The following SPAG16 variants were observed in gnomAD, a reference collection of about 807,000 sequenced individuals.
SPAG16 encodes sperm associated antigen 16.
In SPAG16, 86 loss-of-function variants were observed where a neutral mutation model predicts 80.4. The ratio of observed to expected loss-of-function variants is 1.07; its 90% CI spans 0.90 to 1.28. The LOEUF is 1.28. SPAG16 is among the 50% of genes most tolerant of loss of function. The pLI is 0.00. For synonymous variants in SPAG16, 294 were observed against 265.9 expected, an observed-to-expected ratio of 1.11 and a Z score of -1.03; for missense variants, 870 against 765.3, an observed-to-expected ratio of 1.14 and a Z score of -1.61.
intron 10 of SPAG16, among the ~76,000 whole-genome samples, chr2:213,810,904 C>T (rs2072112102): frequency 6.6e-6 from 1 of 152,078 alleles, no homozygotes; most frequent in African/African-American, 2.4e-5. Flanking sequence ...AAAGACCATT[C>T]CGATTTGGAA....
At chr2:213,775,621 C>T (rs182600477) in intron 10 of SPAG16, among the ~76,000 whole-genome samples, 10 of 152,256 alleles carry the variant, frequency 6.6e-5, no homozygotes, top group African/African-American at 2.4e-4. Context: ...TTGACTGATG[C>T]CTCACTGTTT....
intron 10 of SPAG16, among the ~76,000 whole-genome samples, chr2:213,797,832 A>T (rs1034087250): frequency 6.6e-6 from 1 of 152,214 alleles, no homozygotes; most frequent in Admixed American, 6.5e-5. Context: ...TCTTGGGTAG[A>T]TAACTAGGAG....
At chr2:214,201,130 T>C (rs2057997059) in intron 15 of SPAG16, among the ~76,000 whole-genome samples, 1 of 152,170 alleles carries the variant, frequency 6.6e-6, no homozygotes, top group Non-Finnish European at 1.5e-5. Flanking sequence ...TAAATGTCTC[T>C]TTTTCTAAAG....
intron 9 of SPAG16, chr2:213,422,665 C>G (rs2069669820): frequency 8.2e-6 from 2 of 245,352 alleles, no homozygotes; most frequent in South Asian, 1.9e-4. Flanking sequence ...CTCTCCTTCC[C>G]TCCCACCCTC....
At chr2:213,473,154 A>G (rs553461254) in intron 9 of SPAG16, among the ~76,000 whole-genome samples, 4 of 152,162 alleles carry the variant, frequency 2.6e-5, no homozygotes, top group Non-Finnish European at 5.9e-5. Flanking sequence ...CTTCCTATCA[A>G]TTTCACTTCC....
intron 9 of SPAG16, among the ~76,000 whole-genome samples, chr2:213,406,653 G>A (rs1374412065): frequency 6.6e-6 from 1 of 152,164 alleles, no homozygotes; most frequent in Non-Finnish European, 1.5e-5. Flanking sequence ...TAAGCGGTGT[G>A]CTCACCATTG....
At chr2:213,815,523 C>G (rs2072471851) in intron 10 of SPAG16, among the ~76,000 whole-genome samples, 1 of 152,046 alleles carries the variant, frequency 6.6e-6, no homozygotes, top group Non-Finnish European at 1.5e-5. Flanking sequence ...AGTTCAAATT[C>G]TCCAATTGTG....
chr2:214,130,426 C>G (rs1005326851), intron 14 of SPAG16, among the ~76,000 whole-genome samples: 1 of 152,172 alleles, frequency 6.6e-6, no homozygotes, highest in Non-Finnish European at 1.5e-5. Flanking sequence ...TTCATTTTGT[C>G]TGTTGGCCAG....
At chr2:214,073,389 C>A (rs2050906162) in intron 13 of SPAG16, among the ~76,000 whole-genome samples, 1 of 151,964 alleles carries the variant, frequency 6.6e-6, no homozygotes. Flanking sequence ...AGGCGCCCAC[C>A]ACCATGCCAG....
At chr2:214,083,137 A>G (rs1224435744) in intron 13 of SPAG16, among the ~76,000 whole-genome samples, 1 of 152,224 alleles carries the variant, frequency 6.6e-6, no homozygotes, top group East Asian at 1.9e-4. Flanking sequence ...ACCATCTATT[A>G]GGAAGGAGGG....
intron 5 of SPAG16, among the ~76,000 whole-genome samples, chr2:213,335,609 G>T (rs1252393063): frequency 1.3e-5 from 2 of 152,034 alleles, no homozygotes; most frequent in African/African-American, 2.4e-5. Flanking sequence ...TACGCAAATG[G>T]GTTAAAATCA....
At chr2:213,932,705 A>G (rs2078818716) in intron 12 of SPAG16, among the ~76,000 whole-genome samples, 1 of 152,148 alleles carries the variant, frequency 6.6e-6, no homozygotes, top group African/African-American at 2.4e-5. Context: ...TGGTAAGACC[A>G]TCCATTTAGT....
chr2:213,307,396 C>T (rs1195166873), intron 3 of SPAG16, among the ~76,000 whole-genome samples: 2 of 138,528 alleles, frequency 1.4e-5, no homozygotes, highest in African/African-American at 5.4e-5. Flanking sequence ...TGATGTTCCC[C>T]TTCCTGTGTC....
At chr2:213,739,416 C>T (rs2067437850) in intron 10 of SPAG16, among the ~76,000 whole-genome samples, 1 of 152,104 alleles carries the variant, frequency 6.6e-6, no homozygotes. Flanking sequence ...AAAGTTCTTT[C>T]TTCCCTAAGT....
chr2:214,217,697 A>G (rs1249169947), intron 15 of SPAG16, among the ~76,000 whole-genome samples: 1 of 152,232 alleles, frequency 6.6e-6, no homozygotes, highest in Non-Finnish European at 1.5e-5. Flanking sequence ...ACTATTTAAT[A>G]TCTGCAAACT....
In SPAG16 at chr2:214,150,746, T is replaced by A. The variant is rs116024076; in HGVS notation, c.1720+1480T>A. On this transcript the variant is annotated intron_variant, in intron 15 of 15. Coordinates refer to ENST00000331683, the MANE Select transcript of SPAG16 (RefSeq NM_024532.5). The stretch of plus-strand genomic sequence containing the variant: ...ATATCATTACAATTAATAATAGCCA[T>A]GTATTTTATTGTCATTAAATATGTT... Among the ~76,000 whole-genome samples, 1,468 of 152,208 alleles carry A rather than the reference T, an allele frequency of 9.6e-3. 14 individuals are homozygous for A. Among genetic ancestry groups the A allele is most frequent in the Middle Eastern group, 0.024 (7 of 294 alleles).
intron 5 of SPAG16, among the ~76,000 whole-genome samples, chr2:213,327,222 T>C (rs1365360483): frequency 6.6e-6 from 1 of 151,958 alleles, no homozygotes; most frequent in Admixed American, 6.6e-5. Context: ...ATTATATAGT[T>C]TAAAATATTA....
intron 14 of SPAG16, among the ~76,000 whole-genome samples, chr2:214,125,694 G>C (rs1015984818): frequency 6.6e-6 from 1 of 151,674 alleles, no homozygotes; most frequent in Non-Finnish European, 1.5e-5. Flanking sequence ...TCAATATGAA[G>C]TACAGGAAGA....
At chr2:213,997,902 C>T (rs1575773829) in intron 12 of SPAG16, among the ~76,000 whole-genome samples, 2 of 152,134 alleles carry the variant, frequency 1.3e-5, no homozygotes, top group South Asian at 2.1e-4. Flanking sequence ...TACATTGATA[C>T]CATCAAGAAT....
Sources: allele counts gnomAD v4.1 joint callset (sites outside exome capture counted in the v4.1 genomes callset), GRCh38; gene constraint gnomAD v4.1.1; transcripts MANE v1.5; gene names NCBI Gene and HGNC (gene_info 2026-07-23, HGNC 2026-07-21).